PSD3: variants seen among roughly 807,000 people sequenced by gnomAD.
PSD3 encodes the protein pleckstrin and Sec7 domain containing 3, also known as PH and SEC7 domain-containing protein 3.
A neutral mutation model predicts 105.5 loss-of-function variants in PSD3; 49 were observed. The observed-to-expected ratio is 0.46, with a 90% CI of 0.37 to 0.59. PSD3 has a LOEUF of 0.59. Ranked by LOEUF, PSD3 falls within the 20% of genes least tolerant of loss-of-function variation. The pLI is 0.00. For synonymous variants in PSD3, 557 were observed against 457.8 expected (o/e 1.22, Z -2.77); for missense variants, 1,561 against 1,263.8 (o/e 1.24, Z -3.57).
rs372273053 is a variant in PSD3, at chr8:18,575,157, G to A, written c.2610C>T (p.Ala870=). The stretch of plus-strand genomic sequence containing the variant: ...TTTGAAAAAGCAAGACCCTCCAGTC[G>A]GCAGTTTTAAGTTTAAACACGTTTG... ...KKPNVFKLKT[A]DWRVLLFQTQ... is the part of the protein sequence containing the mutation. The change falls in exon 13 of 16, where the codon GCC becomes GCT. Residue 870 remains alanine (A), a synonymous_variant. Transcript: ENST00000327040. 23 of 1,613,116 alleles carry A rather than the reference G, an allele frequency of 1.4e-5. No homozygotes were observed. Among genetic ancestry groups the A allele is most frequent in the Admixed American group, 6.7e-5 (4 of 59,870 alleles).
At position 18,939,874 on chromosome 8, in the gene PSD3, A is replaced by G. The variant is rs769304240; in HGVS notation, c.22-3732T>C. On this transcript the variant is annotated intron_variant, in intron 1 of 15. Transcript: ENST00000327040. The stretch of plus-strand genomic sequence containing the variant: ...TTTATATCAATAAGTTTATACACAC[A>G]TATCTATTTAATAGAATATAAGTAA... Among the ~76,000 whole-genome samples the G allele has an allele frequency of 8.5e-5, 13 of 152,302 alleles. No homozygotes were observed. In the South Asian group the frequency reaches 1.4e-3, roughly 17 times the overall value.
chr8:19,029,601 C>A (rs1827685978), intron 1 of PSD3, among the ~76,000 whole-genome samples: 1 of 152,094 alleles, frequency 6.6e-6, no homozygotes, highest in African/African-American at 2.4e-5. Flanking sequence ...CTTGTGAGAA[C>A]TCAGTATCAA....
At chr8:18,904,541 C>T (rs1586379303) in intron 2 of PSD3, among the ~76,000 whole-genome samples, 1 of 152,118 alleles carries the variant, frequency 6.6e-6, no homozygotes, top group Non-Finnish European at 1.5e-5. Context: ...GGGCCTACTA[C>T]CCCTTTCTTT....
intron 9 of PSD3, among the ~76,000 whole-genome samples, chr8:18,677,942 A>G (rs12675278): frequency 0.91 from 136,725 of 150,538 alleles, 62,951 homozygotes; most frequent in Non-Finnish European, 0.99. Flanking sequence ...CCTGGGAGGC[A>G]GAGCTTGCAG....
intron 12 of PSD3, among the ~76,000 whole-genome samples, chr8:18,580,419 A>G (rs1449039392): frequency 6.6e-6 from 1 of 152,120 alleles, no homozygotes; most frequent in Non-Finnish European, 1.5e-5. Flanking sequence ...CTGGTTTTGT[A>G]AAAACCAAAA....
intron 2 of PSD3, among the ~76,000 whole-genome samples, chr8:18,895,011 T>C (rs1009794536): frequency 6.6e-6 from 1 of 152,192 alleles, no homozygotes; most frequent in Non-Finnish European, 1.5e-5. Context: ...GCCATGCTGT[T>C]ACATATCTAC....
At chr8:18,838,321 A>C (rs6586773) in intron 4 of PSD3, among the ~76,000 whole-genome samples, 103,535 of 152,078 alleles carry the variant, frequency 0.68, 35,551 homozygotes, top group African/African-American at 0.76. Context: ...CCATGCTTGG[A>C]AAGTGAACAA....
chr8:19,052,004 G>C (rs567344473), intron 1 of PSD3, among the ~76,000 whole-genome samples: 1 of 152,346 alleles, frequency 6.6e-6, no homozygotes, highest in East Asian at 1.9e-4. Flanking sequence ...AAGTGATGGA[G>C]AATGAGGAAG....
intron 10 of PSD3, among the ~76,000 whole-genome samples, chr8:18,647,775 G>A (rs541882007): frequency 2.0e-5 from 3 of 151,898 alleles, no homozygotes; most frequent in South Asian, 2.1e-4. Flanking sequence ...GAGGTGACTC[G>A]ATCATAATGG....
chr8:18,951,883 C>T (rs970332612), intron 1 of PSD3, among the ~76,000 whole-genome samples: 1 of 152,016 alleles, frequency 6.6e-6, no homozygotes, highest in African/African-American at 2.4e-5. Flanking sequence ...GCAGAAGAAT[C>T]ATTTGAACCT....
chr8:19,060,076 G>T (rs994887664), intron 1 of PSD3, among the ~76,000 whole-genome samples: 9 of 152,172 alleles, frequency 5.9e-5, no homozygotes, highest in African/African-American at 2.2e-4. Context: ...GTCGTATTAT[G>T]TAGGAAGGGC....
chr8:19,003,612 T>C (rs939095736), intron 1 of PSD3, among the ~76,000 whole-genome samples: 5 of 151,856 alleles, frequency 3.3e-5, no homozygotes, highest in Non-Finnish European at 5.9e-5. Flanking sequence ...GGTAAGAAAA[T>C]ATGAGCACAT....
chr8:18,702,605 CTCTT>C (rs924689120), intron 9 of PSD3, among the ~76,000 whole-genome samples: 6 of 151,542 alleles, frequency 4.0e-5, no homozygotes, highest in Non-Finnish European at 5.9e-5. Flanking sequence ...GCTATAGGTA[CTCTT>C]TCTTTCTTTC....
intron 4 of PSD3, among the ~76,000 whole-genome samples, chr8:18,805,310 GT>G (rs546554786): frequency 2.6e-5 from 4 of 151,966 alleles, no homozygotes; most frequent in African/African-American, 9.7e-5. Context: ...AAAATTCACT[GT>G]TTTTTTAAAA....
chr8:18,712,510 G>T (rs1204180511), intron 9 of PSD3, among the ~76,000 whole-genome samples: 1 of 152,090 alleles, frequency 6.6e-6, no homozygotes, highest in Non-Finnish European at 1.5e-5. Context: ...AAATAAACTA[G>T]AAAATCTAGA....
At chr8:18,821,270 C>T (rs988720558) in intron 4 of PSD3, among the ~76,000 whole-genome samples, 1 of 151,836 alleles carries the variant, frequency 6.6e-6, no homozygotes, top group African/African-American at 2.4e-5. Flanking sequence ...TATTCAACGC[C>T]TTTTAAAATG....
chr8:18,598,972 G>A (rs80144594), intron 12 of PSD3, among the ~76,000 whole-genome samples: 1 of 151,772 alleles, frequency 6.6e-6, no homozygotes, highest in African/African-American at 2.4e-5. Context: ...TGTCCATACT[G>A]CCCACAGCGA....
chr8:19,067,108 G>T (rs1296171394), intron 1 of PSD3, among the ~76,000 whole-genome samples: 1 of 152,184 alleles, frequency 6.6e-6, no homozygotes, highest in Non-Finnish European at 1.5e-5. Flanking sequence ...TGAGTTCTTT[G>T]GGCAGACTGT....
In PSD3 at chr8:19,013,686, T is replaced by C. The variant is rs1827064797; in HGVS notation, c.-103A>G. ...GCGGCCAGCGCCGCGTGCTCTTTGT[T>C]GAGCTCCCGGGACTGCCGAGAGGCG... On this transcript the variant is annotated 5_prime_UTR_variant, in exon 1 of 16. Coordinates refer to ENST00000327040, the MANE Select transcript of PSD3 (RefSeq NM_015310.4). The C allele has an allele frequency of 9.4e-7, 1 of 1,066,848 alleles. No individual in the cohort carries two copies. Among genetic ancestry groups the C allele is most frequent in the Non-Finnish European group, 1.2e-6 (1 of 852,098 alleles). 66.1% of individuals were successfully genotyped at this position (1,066,848 alleles called of 1,614,324 possible).
Sources: gnomAD v4.1 joint callset for allele counts (sites outside exome capture counted in the v4.1 genomes callset) on GRCh38, gnomAD v4.1.1 for gene constraint, MANE v1.5 for transcripts, NCBI Gene and HGNC (gene_info 2026-07-23, HGNC 2026-07-21) for gene names.